Variants in CDH12 observed in about 807,000 individuals in gnomAD.
CDH12 encodes cadherin-12.
Under a neutral mutation model 74.1 loss-of-function variants are expected in CDH12, and 41 were observed. The ratio of observed to expected loss-of-function variants is 0.55; its 90% confidence interval spans 0.43 to 0.72. The LOEUF (loss-of-function observed/expected upper bound fraction) is 0.72, where lower values mean the gene tolerates loss of function less well. CDH12 is among the 30% of genes least tolerant of loss of function. The pLI is 0.00. For missense variants in CDH12, 945 were observed against 977.2 expected (o/e 0.97, Z 0.44); for synonymous variants, 399 against 355.0 (o/e 1.12, Z -1.39).
intron 3 of CDH12, among the ~76,000 whole-genome samples, chr5:22,308,164 GC>G (rs1399700372): frequency 1.3e-5 from 2 of 152,094 alleles, no homozygotes; most frequent in South Asian, 4.1e-4. Flanking sequence ...ACAGGCGTGA[GC>G]CCCCCGCGCC....
rs1446573665 is a variant in CDH12, at chr5:22,308,934, AGAGAGAGAGAGAG to A, written c.-332-96304_-332-96292del. On this transcript the variant is annotated intron_variant, in intron 3 of 14. Transcript: ENST00000382254. ...AGAGAGAGAGAGGAGAGAGAGAGAAAGAGAGAGAGAGAGGAGAGAGAGGAGAGAGAGAGAGAGA... is the reference window on the plus strand; with the variant it reads ...AGAGAGAGAGAGGAGAGAGAGAGAAAGAGAGAGAGGAGAGAGAGAGAGAGA... Among the ~76,000 whole-genome samples the A allele has an allele frequency of 1.4e-3, 25 of 18,454 alleles. No homozygotes were observed. In the Admixed American group the frequency reaches 0.02, roughly 15 times the overall value. The allele number at this position is 18,454 out of a possible 152,430, so 12.1% of individuals were successfully genotyped here.
intron 6 of CDH12, among the ~76,000 whole-genome samples, chr5:21,916,509 CAT>C (rs779428446): frequency 4.5e-4 from 68 of 149,954 alleles, no homozygotes; most frequent in East Asian, 9.8e-4. Context: ...TCATTTTTTC[CAT>C]TTTTTTTTTT....
chr5:22,600,178 A>G (rs985969730), intron 1 of CDH12, among the ~76,000 whole-genome samples: 4 of 152,102 alleles, frequency 2.6e-5, no homozygotes, highest in African/African-American at 7.2e-5. Context: ...CACCTGTTGT[A>G]TAAGATTATT....
chr5:22,621,683 T>C (rs1737980344), intron 1 of CDH12, among the ~76,000 whole-genome samples: 2 of 152,062 alleles, frequency 1.3e-5, no homozygotes, highest in African/African-American at 4.8e-5. Flanking sequence ...AAATAATAAA[T>C]ACTACAGTTG....
intron 1 of CDH12, among the ~76,000 whole-genome samples, chr5:22,585,980 C>T (rs1740377395): frequency 1.3e-5 from 2 of 152,082 alleles, no homozygotes; most frequent in Admixed American, 6.6e-5. Context: ...CTCAGCAATC[C>T]CATTACTGGG....
At chr5:22,601,676 G>A (rs1736860020) in intron 1 of CDH12, among the ~76,000 whole-genome samples, 2 of 152,052 alleles carry the variant, frequency 1.3e-5, no homozygotes, top group South Asian at 4.2e-4. Flanking sequence ...TTCTTTACGT[G>A]TGTAATTTAA....
At chr5:21,876,367 C>T (rs1751940121) in intron 6 of CDH12, among the ~76,000 whole-genome samples, 1 of 152,176 alleles carries the variant, frequency 6.6e-6, no homozygotes, top group Admixed American at 6.5e-5. Context: ...TTGTCTCTCA[C>T]TCTACATGCC....
intron 1 of CDH12, among the ~76,000 whole-genome samples, chr5:22,739,810 G>A (rs899255398): frequency 3.9e-5 from 6 of 151,968 alleles, no homozygotes; most frequent in African/African-American, 1.4e-4. Flanking sequence ...CTAGTACAAT[G>A]GAGTCATGTA....
In CDH12 at chr5:21,841,560, TA is replaced by T. The variant is rs1396012830; in HGVS notation, c.814+600del. Among the ~76,000 whole-genome samples, 5 of 148,924 alleles carry T rather than the reference TA, an allele frequency of 3.4e-5. No homozygotes were observed. The South Asian group carries it at 8.6e-4, about 26-fold the overall frequency. On this transcript the variant is annotated intron_variant, in intron 8 of 14. Coordinates refer to ENST00000382254, the MANE Select transcript of CDH12 (RefSeq NM_004061.5). Reference sequence around the variant, plus strand: ...GCTGCTATAAAGACACATGCACACGTATGTTTATTGCGGCACTATTCACAAT... The same window carrying T: ...GCTGCTATAAAGACACATGCACACGTTGTTTATTGCGGCACTATTCACAAT...
chr5:22,392,263 G>A (rs979106439), intron 3 of CDH12, among the ~76,000 whole-genome samples: 1 of 152,060 alleles, frequency 6.6e-6, no homozygotes, highest in South Asian at 2.1e-4. Flanking sequence ...AAGTTGTGTT[G>A]GTTAATTTTA....
intron 3 of CDH12, among the ~76,000 whole-genome samples, chr5:22,251,310 C>A (rs1753122429): frequency 6.6e-6 from 1 of 152,012 alleles, no homozygotes; most frequent in South Asian, 2.1e-4. Context: ...GGTGGTAAGG[C>A]CATACACAGG....
intron 1 of CDH12, among the ~76,000 whole-genome samples, chr5:22,591,175 A>C (rs921573978): frequency 2.0e-5 from 3 of 152,182 alleles, no homozygotes; most frequent in Admixed American, 1.3e-4. Flanking sequence ...GTCATTTATT[A>C]AATTGTAAAC....
intron 2 of CDH12, among the ~76,000 whole-genome samples, chr5:22,469,130 C>A (rs1329690336): frequency 2.6e-5 from 4 of 152,084 alleles, no homozygotes; most frequent in Admixed American, 6.6e-5. Flanking sequence ...TAGACAAAAC[C>A]ACTGCTCCTG....
chr5:22,837,453 G>GA (rs1317142779), intron 1 of CDH12, among the ~76,000 whole-genome samples: 3 of 151,968 alleles, frequency 2.0e-5, no homozygotes, highest in Admixed American at 6.6e-5. Flanking sequence ...AATACATAAA[G>GA]AAAAAATCGT....
At chr5:22,805,177 G>A (rs1009423190) in intron 1 of CDH12, among the ~76,000 whole-genome samples, 5 of 151,992 alleles carry the variant, frequency 3.3e-5, no homozygotes, top group African/African-American at 1.2e-4. Flanking sequence ...ATATCATTAT[G>A]TTGGGAGACA....
intron 6 of CDH12, among the ~76,000 whole-genome samples, chr5:21,897,206 G>A (rs566104464): frequency 6.6e-6 from 1 of 152,236 alleles, no homozygotes; most frequent in African/African-American, 2.4e-5. Context: ...CATTCACAGG[G>A]TTGCTTTTTA....
intron 3 of CDH12, among the ~76,000 whole-genome samples, chr5:22,320,067 C>A (rs557988337): frequency 6.9e-4 from 105 of 152,226 alleles, no homozygotes; most frequent in Non-Finnish European, 1.2e-3. Context: ...GAACTAAACC[C>A]ACTTAGGTCC....
intron 1 of CDH12, among the ~76,000 whole-genome samples, chr5:22,618,830 T>A (rs1449107493): frequency 6.6e-6 from 1 of 152,008 alleles, no homozygotes; most frequent in African/African-American, 2.4e-5. Flanking sequence ...GGGTGGGTAT[T>A]TCCATGCTGC....
At chr5:22,353,178 T>C (rs578063243) in intron 3 of CDH12, among the ~76,000 whole-genome samples, 3 of 152,340 alleles carry the variant, frequency 2.0e-5, no homozygotes, top group African/African-American at 7.2e-5. Context: ...AGCAATATGA[T>C]GCCCATTCTA....
Sources: gnomAD v4.1 joint callset for allele counts (sites outside exome capture counted in the v4.1 genomes callset) on GRCh38, gnomAD v4.1.1 for gene constraint, MANE v1.5 for transcripts, NCBI Gene and HGNC (gene_info 2026-07-23, HGNC 2026-07-21) for gene names.